The following ATP10B variants were observed in gnomAD, a reference collection of about 807,000 sequenced individuals.
ATP10B encodes the protein ATPase phospholipid transporting 10B (putative), also known as phospholipid-transporting ATPase VB.
In ATP10B, 122 loss-of-function variants were observed where a neutral mutation model predicts 141.2. That is an observed-to-expected ratio of 0.86 (90% CI 0.75 to 1.00). The LOEUF (loss-of-function observed/expected upper bound fraction) is 1.00, where lower values mean the gene tolerates loss of function less well. ATP10B is among the 50% of genes least tolerant of loss of function. The probability of loss-of-function intolerance (pLI) is 0.00; values close to 1 mark genes in which losing one functional copy is unlikely to be tolerated. For missense variants in ATP10B, 1,876 were observed against 1,825.3 expected, an observed-to-expected ratio of 1.03 and a Z score of -0.51; for synonymous variants, 685 against 692.0, an observed-to-expected ratio of 0.99 and a Z score of 0.16.
the ATP10B span, among the ~76,000 whole-genome samples, chr5:160,872,246 C>T: frequency 1.3e-5 from 2 of 151,050 alleles, no homozygotes. Context: ...TATTTATTTG[C>T]TTTTTAGTTC....
At chr5:160,726,018 A>C (rs1249526009) in intron 2 of ATP10B, among the ~76,000 whole-genome samples, 3 of 152,164 alleles carry the variant, frequency 2.0e-5, no homozygotes, top group Non-Finnish European at 4.4e-5. Context: ...AATCTCAATC[A>C]TGGAATGAGA....
intron 3 of ATP10B, among the ~76,000 whole-genome samples, chr5:160,708,840 A>G (rs1337932058): frequency 6.6e-6 from 1 of 152,188 alleles, no homozygotes; most frequent in East Asian, 1.9e-4. Context: ...CATAATGACA[A>G]CAATGCAAGG....
At chr5:160,883,048 A>G in the ATP10B span, among the ~76,000 whole-genome samples, 1 of 152,232 alleles carries the variant, frequency 6.6e-6, no homozygotes, top group South Asian at 2.1e-4. Flanking sequence ...AGTAAACATC[A>G]AATATAGGAA....
At chr5:160,928,631 T>C in the ATP10B span, among the ~76,000 whole-genome samples, 1 of 152,116 alleles carries the variant, frequency 6.6e-6, no homozygotes, top group Non-Finnish European at 1.5e-5. Context: ...ATAAAGTGCT[T>C]CCCAGTCATG....
At chr5:160,602,958 C>T (rs1757176051) in intron 20 of ATP10B, 1 of 366,712 alleles carries the variant, frequency 2.7e-6, no homozygotes, top group African/African-American at 2.1e-5. Context: ...TCCGTTTATC[C>T]AGCAAGCATT....
intron 6 of ATP10B, chr5:160,684,871 T>G (rs1763652233): frequency 1.4e-6 from 1 of 702,448 alleles, no homozygotes; most frequent in Non-Finnish European, 2.6e-6. Flanking sequence ...ATTGATGACT[T>G]TATCCGATTT....
intron 2 of ATP10B, among the ~76,000 whole-genome samples, chr5:160,761,541 C>A (rs1397234810): frequency 3.9e-5 from 6 of 152,166 alleles, no homozygotes; most frequent in African/African-American, 1.4e-4. Flanking sequence ...CAGGAGAGCA[C>A]CACATCAAGG....
chr5:160,869,072 T>G, the ATP10B span, among the ~76,000 whole-genome samples: 1 of 152,212 alleles, frequency 6.6e-6, no homozygotes, highest in African/African-American at 2.4e-5. Context: ...CTTAGTTTCT[T>G]CATCTGCAAA....
chr5:160,698,875 A>C (rs1764522758), intron 3 of ATP10B, among the ~76,000 whole-genome samples: 2 of 152,228 alleles, frequency 1.3e-5, no homozygotes. Context: ...AGCCAGAGGC[A>C]GGCGTGAATC....
intron 24 of ATP10B, among the ~76,000 whole-genome samples, chr5:160,573,250 G>C (rs1446452521): frequency 6.6e-6 from 1 of 152,176 alleles, no homozygotes; most frequent in Admixed American, 6.5e-5. Flanking sequence ...AATATAGCTG[G>C]AAGGCAGCTG....
chr5:160,725,687 T>C (rs1255044327), intron 2 of ATP10B, among the ~76,000 whole-genome samples: 4 of 152,260 alleles, frequency 2.6e-5, no homozygotes, highest in East Asian at 1.9e-4. Flanking sequence ...CCTCGTGATC[T>C]GCCCGCCTTG....
intron 17 of ATP10B, 23 bp downstream of exon 17, chr5:160,615,815 A>T (rs370583486): frequency 3.3e-5 from 53 of 1,604,066 alleles, no homozygotes; most frequent in Non-Finnish European, 4.1e-5. Flanking sequence ...TTTTTCCTAT[A>T]ATAATGACTT....
chr5:160,575,596 G>A (rs1003688522), intron 24 of ATP10B, among the ~76,000 whole-genome samples: 3 of 151,856 alleles, frequency 2.0e-5, no homozygotes, highest in Admixed American at 6.6e-5. Flanking sequence ...TGGATTAAAT[G>A]ATGATTAAAA....
the ATP10B span, among the ~76,000 whole-genome samples, chr5:160,920,506 T>C: frequency 6.6e-6 from 1 of 152,244 alleles, no homozygotes. Context: ...GCATGGGACA[T>C]GCAAGGATCT....
chr5:160,850,774 T>C (rs1340703266), intron 1 of ATP10B, among the ~76,000 whole-genome samples: 1 of 152,188 alleles, frequency 6.6e-6, no homozygotes, highest in Non-Finnish European at 1.5e-5. Flanking sequence ...ACTGCTATAC[T>C]CTTTAAAAAA....
At chr5:160,888,650 C>A in the ATP10B span, among the ~76,000 whole-genome samples, 8 of 152,168 alleles carry the variant, frequency 5.3e-5, no homozygotes, top group Non-Finnish European at 1.2e-4. Context: ...GACTGCGAAG[C>A]AATTCCATGT....
Position 160,565,517 on chromosome 5 carries a change from G to A in ATP10B, c.4322C>T (p.Thr1441Ile). ...CCTCTTTGAGCACCGGCACATATCA[G>A]TCTGTCCTCTTGAGTAGGCCATTAT... ...NRIMAYSRGQ[T>I]DMCRCSKRSS... The change falls in exon 26 of 26, where the codon ACT (threonine) becomes ATT (isoleucine). Residue 1441 changes from threonine to isoleucine, a missense_variant. Physicochemically the swap from Thr to Ile is moderately conservative, Grantham distance 89. Transcript: ENST00000327245. The A allele has an allele frequency of 6.2e-7, 1 of 1,614,144 alleles. No individual in the cohort carries two copies. Among genetic ancestry groups the A allele is most frequent in the Non-Finnish European group, 8.5e-7 (1 of 1,179,980 alleles).
chr5:160,746,634 C>T (rs937087876), intron 2 of ATP10B, among the ~76,000 whole-genome samples: 3 of 152,116 alleles, frequency 2.0e-5, no homozygotes, highest in Non-Finnish European at 1.5e-5. Flanking sequence ...TTAAATGATC[C>T]ACCCGCCTCA....
At chr5:160,796,388 ATAG>A (rs2127920252) in intron 1 of ATP10B, among the ~76,000 whole-genome samples, 1 of 152,334 alleles carries the variant, frequency 6.6e-6, no homozygotes, top group African/African-American at 2.4e-5. Context: ...AACATTGATA[ATAG>A]TAGTAGGAAG....
Sources: gnomAD v4.1 joint callset for allele counts (sites outside exome capture counted in the v4.1 genomes callset) on GRCh38, gnomAD v4.1.1 for gene constraint, MANE v1.5 for transcripts, NCBI Gene and HGNC (gene_info 2026-07-23, HGNC 2026-07-21) for gene names.